Variants in ESRRG observed in about 807,000 individuals in gnomAD.
ESRRG encodes estrogen related receptor gamma.
A neutral mutation model predicts 44.0 loss-of-function variants in ESRRG; 13 were observed. The ratio of observed to expected loss-of-function variants is 0.30; its 90% CI spans 0.19 to 0.47. ESRRG has a LOEUF of 0.47. ESRRG is among the 20% of genes least tolerant of loss of function. The probability of loss-of-function intolerance (pLI) is 1.00; values close to 1 mark genes in which losing one functional copy is unlikely to be tolerated. For synonymous variants in ESRRG, 215 were observed against 214.6 expected, an observed-to-expected ratio of 1.00 and a Z score of -0.02; for missense variants, 395 against 580.6, an observed-to-expected ratio of 0.68 and a Z score of 3.29.
At chr1:217,063,924 A>G (rs1380157948) in intron 1 of ESRRG, among the ~76,000 whole-genome samples, 4 of 152,174 alleles carry the variant, frequency 2.6e-5, no homozygotes, top group Admixed American at 6.5e-5. Context: ...CTCCAGTAGT[A>G]TGCACCTATT....
chr1:216,923,795 T>C (rs1443832715), intron 2 of ESRRG, among the ~76,000 whole-genome samples: 2 of 152,178 alleles, frequency 1.3e-5, no homozygotes, highest in African/African-American at 4.8e-5. Flanking sequence ...AGTGTCACAA[T>C]GAAGGGCCTC....
At chr1:216,961,595 G>A (rs1163336269) in intron 1 of ESRRG, among the ~76,000 whole-genome samples, 5 of 144,404 alleles carry the variant, frequency 3.5e-5, no homozygotes, top group Non-Finnish European at 7.5e-5. Flanking sequence ...TCTTCCTAGA[G>A]CTTGGAAGGG....
At chr1:216,724,293 G>T (rs1278857267), upstream of ESRRG, among the ~76,000 whole-genome samples, 1 of 151,626 alleles carries the variant, frequency 6.6e-6, no homozygotes, top group Non-Finnish European at 1.5e-5. Context: ...GGGGTGGGGA[G>T]TCTGAGGGCT....
chr1:216,555,073 A>C, intron 5 of ESRRG, among the ~76,000 whole-genome samples: 1 of 152,288 alleles, frequency 6.6e-6, no homozygotes, highest in African/African-American at 2.4e-5. Flanking sequence ...CCTTTCACAC[A>C]TCAAAACCAC....
intron 1 of ESRRG, among the ~76,000 whole-genome samples, chr1:217,026,930 G>C (rs1356715762): frequency 2.0e-5 from 3 of 150,158 alleles, no homozygotes. Context: ...GAGAGAGAGA[G>C]AGAGAGAGAG....
rs2088746874 is a variant in ESRRG at position 217,062,434 on chromosome 1, A to C, written c.-106+27073T>G. Among the ~76,000 whole-genome samples, 5 of 152,278 alleles carry C rather than the reference A, an allele frequency of 3.3e-5. No individual in the cohort carries two copies. In the South Asian group the frequency reaches 1.0e-3, roughly 32 times the overall value. ...TGTCAAAGAACAGGGCACTGTATTC[A>C]ATTTCGGTGCAGTGAGGGGTTTGAG... On this transcript the variant is annotated intron_variant, in intron 1 of 7. Transcript: ENST00000359162.
At chr1:216,781,242 G>C (rs1397927878) in intron 2 of ESRRG, among the ~76,000 whole-genome samples, 1 of 151,800 alleles carries the variant, frequency 6.6e-6, no homozygotes, top group African/African-American at 2.4e-5. Flanking sequence ...GACAGGCACT[G>C]TGTGCAGTGC....
intron 2 of ESRRG, among the ~76,000 whole-genome samples, chr1:216,848,128 G>A (rs988971769): frequency 4.6e-5 from 7 of 152,040 alleles, no homozygotes; most frequent in Admixed American, 1.3e-4. Flanking sequence ...TGTCCCGTGG[G>A]GTAATGGTGG....
intron 2 of ESRRG, among the ~76,000 whole-genome samples, chr1:216,901,583 C>T (rs1372580384): frequency 3.3e-5 from 5 of 152,118 alleles, no homozygotes; most frequent in Non-Finnish European, 7.4e-5. Context: ...ATTGCCCAGG[C>T]TGGTCTCAAA....
At chr1:216,761,445 A>AT (rs139431193) in intron 2 of ESRRG, among the ~76,000 whole-genome samples, 3,422 of 152,226 alleles carry the variant, frequency 0.022, 54 homozygotes, top group Non-Finnish European at 0.031. Context: ...GACTCAGAGT[A>AT]AATATTTGGT....
At chr1:216,990,520 G>A (rs1330667492) in intron 1 of ESRRG, among the ~76,000 whole-genome samples, 1 of 151,728 alleles carries the variant, frequency 6.6e-6, no homozygotes, top group East Asian at 1.9e-4. Flanking sequence ...AAACTATGTG[G>A]GTCCACTTGT....
intron 2 of ESRRG, among the ~76,000 whole-genome samples, chr1:216,658,910 G>C (rs929973901): frequency 9.2e-6 from 1 of 108,714 alleles, no homozygotes; most frequent in Non-Finnish European, 2.1e-5. Context: ...GAAGAGAAGA[G>C]AAGAGAAATA....
chr1:216,881,509 A>G (rs1276039256), intron 2 of ESRRG, among the ~76,000 whole-genome samples: 1 of 152,076 alleles, frequency 6.6e-6, no homozygotes, highest in Non-Finnish European at 1.5e-5. Flanking sequence ...GTTGGTGGGG[A>G]GACAGGTCTG....
rs574799799 is a variant in ESRRG at position 216,528,157 on chromosome 1, C to T, written c.863-8736G>A. Among the ~76,000 whole-genome samples the T allele has an allele frequency of 1.8e-4, 27 of 152,270 alleles. 1 individual carries two copies. The highest frequency in any genetic ancestry group is 6.3e-4 in the African/African-American group (26 of 41,566). The stretch of plus-strand genomic sequence containing the variant: ...CCCTCACCCACAGAAAATACATCAA[C>T]ATATAACAAAAAGGGGTGCCTAATG... On this transcript the variant is annotated intron_variant, in intron 5 of 6. Transcript: ENST00000408911.
rs368699081 is a variant in ESRRG at position 216,507,146 on chromosome 1, C to T, written c.1170G>A (p.Lys390=). ...GCGCTTCATGTAAGACATCCTGAAG[C>T]TTCTGAACGGCTTCAACATCTTCTA... The part of the protein sequence containing the change: ...MHIEDVEAVQ[K]LQDVLHEALQ... The change falls in exon 7 of 7, where the codon AAG becomes AAA. Residue 390 remains lysine, a synonymous_variant. Transcript: ENST00000408911. 3 of 1,613,080 alleles carry T rather than the reference C, an allele frequency of 1.9e-6. No individual in the cohort carries two copies. The highest frequency in any genetic ancestry group is 2.5e-6 in the Non-Finnish European group (3 of 1,179,758).
chr1:217,097,770 C>CG (rs2092445160), intron 1 of ESRRG, among the ~76,000 whole-genome samples: 1 of 149,850 alleles, frequency 6.7e-6, no homozygotes, highest in South Asian at 2.1e-4. Flanking sequence ...CTTACCTTCC[C>CG]ATAAGAAAAG....
chr1:216,519,374 C>T lies in ESRRG; in HGVS notation c.910G>A (p.Ala304Thr). ...CCAAGGATCAAAATTTCCATCCAAG[C>T]ACTCTGCAGAAGGCTCATCTGGTCC... ...LADQMSLLQS[A>T]WMEILILGVV... Residue 304 changes from alanine to threonine, a missense_variant, in exon 6 of 7, where the codon GCT becomes ACT. Ala to Thr is a moderately conservative substitution (Grantham distance 58). Transcript: ENST00000408911. 1 of 1,613,572 alleles carries T rather than the reference C, an allele frequency of 6.2e-7. No individual in the cohort carries two copies. The highest frequency in any genetic ancestry group is 8.5e-7 in the Non-Finnish European group (1 of 1,179,826).
rs145696093 is a variant in ESRRG at position 216,739,224 on chromosome 1, G to C, written c.-13-61733C>G. On this transcript the variant is annotated intron_variant, in intron 2 of 7. Transcript: ENST00000359162. ...TTTATAAATAATCCCGACACTGAGA[G>C]ACAAGTGCATAAAAGGTATCTCCAA... Among the ~76,000 whole-genome samples the C allele has an allele frequency of 1.8e-3, 271 of 149,248 alleles. 1 individual carries two copies. Among genetic ancestry groups the C allele is most frequent in the African/African-American group, 6.6e-3 (267 of 40,434 alleles).
chr1:216,993,781 A>C (rs937977906), intron 1 of ESRRG, among the ~76,000 whole-genome samples: 5 of 152,200 alleles, frequency 3.3e-5, no homozygotes, highest in African/African-American at 1.2e-4. Context: ...CTCCTGTTCC[A>C]CAATGATCTC....
Sources: allele counts gnomAD v4.1 joint callset (sites outside exome capture counted in the v4.1 genomes callset), GRCh38; gene constraint gnomAD v4.1.1; transcripts MANE v1.5; gene names NCBI Gene and HGNC (gene_info 2026-07-23, HGNC 2026-07-21).